OR1J2: variants seen among roughly 807,000 people sequenced by gnomAD.
The protein encoded by OR1J2 is olfactory receptor 1J2.
For missense variants in OR1J2, 304 were observed against 246.1 expected (o/e 1.24, Z -1.57); for synonymous variants, 142 against 99.7 (o/e 1.42, Z -2.52).
the OR1J2 span, among the ~76,000 whole-genome samples, chr9:122,528,126 G>A: frequency 3.3e-5 from 5 of 152,252 alleles, no homozygotes; most frequent in African/African-American, 1.2e-4. Context: ...TAATCCCTCA[G>A]TATTCTTAGT....
the OR1J2 span, among the ~76,000 whole-genome samples, chr9:122,574,501 T>C: frequency 2.0e-5 from 3 of 152,160 alleles, no homozygotes; most frequent in African/African-American, 7.2e-5. Flanking sequence ...TGTTTGTTGC[T>C]AATATTTAAG....
chr9:122,453,228 C>A, the OR1J2 span, among the ~76,000 whole-genome samples: 1 of 152,102 alleles, frequency 6.6e-6, no homozygotes, highest in African/African-American at 2.4e-5. Context: ...AACCTCTTTT[C>A]TTTATAAATT....
the OR1J2 span, chr9:122,519,324 T>G: frequency 6.2e-7 from 1 of 1,614,154 alleles, no homozygotes; most frequent in Non-Finnish European, 8.5e-7. Context: ...CATGTTCTTC[T>G]TCCTCAGCCA....
chr9:122,522,216 A>AT, the OR1J2 span, among the ~76,000 whole-genome samples: 1 of 151,984 alleles, frequency 6.6e-6, no homozygotes, highest in Non-Finnish European at 1.5e-5. Context: ...TGAATGTGTG[A>AT]TTTTTTTTCA....
chr9:122,535,034 C>T, the OR1J2 span, among the ~76,000 whole-genome samples: 1 of 151,752 alleles, frequency 6.6e-6, no homozygotes, highest in African/African-American at 2.4e-5. Flanking sequence ...TTTAAGAACA[C>T]AGGCTAAGGG....
chr9:122,501,056 C>T, the OR1J2 span, among the ~76,000 whole-genome samples: 4 of 151,870 alleles, frequency 2.6e-5, no homozygotes, highest in Admixed American at 6.6e-5. Flanking sequence ...CAGTTATTTG[C>T]GAAAGGCAGA....
chr9:122,542,799 G>T, the OR1J2 span, among the ~76,000 whole-genome samples: 2 of 152,170 alleles, frequency 1.3e-5, no homozygotes, highest in African/African-American at 2.4e-5. Flanking sequence ...GTCCCATGCG[G>T]CCAGCCATCT....
chr9:122,500,191 T>A, the OR1J2 span, among the ~76,000 whole-genome samples: 1 of 152,178 alleles, frequency 6.6e-6, no homozygotes, highest in Admixed American at 6.5e-5. Flanking sequence ...TGGGAAAATG[T>A]CTGCAGTTTT....
the OR1J2 span, among the ~76,000 whole-genome samples, chr9:122,530,559 AC>A: frequency 6.6e-6 from 1 of 152,124 alleles, no homozygotes; most frequent in African/African-American, 2.4e-5. Context: ...GGGAAGCTTT[AC>A]TTTTTTCTCT....
chr9:122,461,709 A>G, the OR1J2 span, among the ~76,000 whole-genome samples: 17 of 152,078 alleles, frequency 1.1e-4, no homozygotes, highest in African/African-American at 3.9e-4. Flanking sequence ...TTTAATTACC[A>G]TGTATTTGCA....
the OR1J2 span, among the ~76,000 whole-genome samples, chr9:122,450,970 C>T: frequency 6.6e-6 from 1 of 152,068 alleles, no homozygotes; most frequent in Admixed American, 6.5e-5. Flanking sequence ...ACTTCTATAA[C>T]ATTTTATGCA....
At chr9:122,477,413 G>A in the OR1J2 span, 474 of 1,613,944 alleles carry the variant, frequency 2.9e-4, no homozygotes, top group African/African-American at 5.5e-3. Flanking sequence ...GGGATGATGT[G>A]GTCAGCACAG....
chr9:122,466,726 C>T, the OR1J2 span, among the ~76,000 whole-genome samples: 1 of 152,192 alleles, frequency 6.6e-6, no homozygotes, highest in Non-Finnish European at 1.5e-5. Flanking sequence ...CCATCTGAGA[C>T]CACTTTCAGT....
At chr9:122,503,702 C>T in the OR1J2 span, among the ~76,000 whole-genome samples, 6 of 152,198 alleles carry the variant, frequency 3.9e-5, no homozygotes, top group African/African-American at 1.4e-4. Flanking sequence ...TATCTCTGAA[C>T]TTCCACTCTT....
chr9:122,555,837 G>A, the OR1J2 span, among the ~76,000 whole-genome samples: 1 of 152,168 alleles, frequency 6.6e-6, no homozygotes, highest in Non-Finnish European at 1.5e-5. Flanking sequence ...CCTCACCAGA[G>A]TGGTACATTT....
chr9:122,519,323 C>T, the OR1J2 span: 1 of 1,614,184 alleles, frequency 6.2e-7, no homozygotes, highest in Admixed American at 1.7e-5. Context: ...CCATGTTCTT[C>T]TTCCTCAGCC....
At chr9:122,492,920 G>C in the OR1J2 span, among the ~76,000 whole-genome samples, 1 of 152,100 alleles carries the variant, frequency 6.6e-6, no homozygotes, top group Non-Finnish European at 1.5e-5. Context: ...AATCGTAAAA[G>C]GATGCTGGAT....
At chr9:122,533,691 G>A in the OR1J2 span, among the ~76,000 whole-genome samples, 5 of 152,126 alleles carry the variant, frequency 3.3e-5, no homozygotes, top group African/African-American at 7.2e-5. Flanking sequence ...GAGTTGGGGA[G>A]TTTTAAGGGG....
At chr9:122,449,799 G>A in the OR1J2 span, among the ~76,000 whole-genome samples, 1 of 152,148 alleles carries the variant, frequency 6.6e-6, no homozygotes, top group African/African-American at 2.4e-5. Flanking sequence ...CTATATAGCC[G>A]GATCCTAGTT....
Sources: gnomAD v4.1 joint callset for allele counts (sites outside exome capture counted in the v4.1 genomes callset) on GRCh38, gnomAD v4.1.1 for gene constraint, MANE v1.5 for transcripts, NCBI Gene and HGNC (gene_info 2026-07-23, HGNC 2026-07-21) for gene names.